The following C9 variants were observed in gnomAD, a reference collection of about 807,000 sequenced individuals.
C9 encodes complement component C9.
A neutral mutation model predicts 65.4 loss-of-function variants in C9; 63 were observed. The observed-to-expected ratio is 0.96, with a 90% CI of 0.79 to 1.19. The LOEUF (loss-of-function observed/expected upper bound fraction) is 1.19, where lower values mean the gene tolerates loss of function less well. C9 is among the 50% of genes most tolerant of loss of function. The pLI, the probability that C9 is intolerant of heterozygous loss-of-function variation, is 0.00. For synonymous variants in C9, 229 were observed against 227.9 expected, an observed-to-expected ratio of 1.00 and a Z score of -0.04; for missense variants, 744 against 670.1, an observed-to-expected ratio of 1.11 and a Z score of -1.22.
At chr5:39,332,637 A>C (rs570748377) in intron 4 of C9, among the ~76,000 whole-genome samples, 6 of 152,356 alleles carry the variant, frequency 3.9e-5, no homozygotes, top group Admixed American at 2.0e-4. Flanking sequence ...GCCCCAAGCC[A>C]GGGAGGCCAA....
At chr5:39,300,249 T>G (rs1460571820) in intron 9 of C9, among the ~76,000 whole-genome samples, 1 of 151,980 alleles carries the variant, frequency 6.6e-6, no homozygotes, top group African/African-American at 2.4e-5. Flanking sequence ...CTGTTTCTAC[T>G]AAAAATACAA....
intron 4 of C9, among the ~76,000 whole-genome samples, chr5:39,335,232 G>A (rs773918388): frequency 1.3e-4 from 20 of 152,138 alleles, no homozygotes; most frequent in Non-Finnish European, 1.9e-4. Context: ...TTATATTGAT[G>A]ATTAGCTCTT....
intron 1 of C9, among the ~76,000 whole-genome samples, chr5:39,361,718 A>G (rs939053240): frequency 6.6e-6 from 1 of 152,220 alleles, no homozygotes; most frequent in African/African-American, 2.4e-5. Flanking sequence ...GGTTTTAAAC[A>G]TTGATGCTCT....
intron 1 of C9, among the ~76,000 whole-genome samples, chr5:39,360,713 AG>A (rs2111992310): frequency 6.6e-6 from 1 of 152,312 alleles, no homozygotes; most frequent in Admixed American, 6.5e-5. Context: ...TGACTCAATA[AG>A]AGAAAGGCAA....
At chr5:39,305,487 T>C (rs1753357782) in intron 9 of C9, among the ~76,000 whole-genome samples, 1 of 152,018 alleles carries the variant, frequency 6.6e-6, no homozygotes, top group Non-Finnish European at 1.5e-5. Flanking sequence ...TTAATCAAAC[T>C]GGAGTAGGGA....
At chr5:39,352,834 GTTTTTTTT>G (rs747093390) in intron 1 of C9, among the ~76,000 whole-genome samples, 7 of 144,666 alleles carry the variant, frequency 4.8e-5, no homozygotes, top group African/African-American at 1.8e-4. Context: ...TGAAGTCTAA[GTTTTTTTT>G]TTTTTTTTTT....
chr5:39,309,173 AT>A (rs755127370), intron 7 of C9, among the ~76,000 whole-genome samples: 17 of 151,590 alleles, frequency 1.1e-4, no homozygotes, highest in South Asian at 2.1e-4. Flanking sequence ...CATAAAAAAA[AT>A]AATTATTCCT....
At chr5:39,357,981 T>G (rs552425358) in intron 1 of C9, among the ~76,000 whole-genome samples, 39 of 152,024 alleles carry the variant, frequency 2.6e-4, no homozygotes, top group Non-Finnish European at 4.0e-4. Context: ...GAGAGAGAGA[T>G]ATTCCTAAAG....
chr5:39,330,216 T>C (rs1753816601), intron 5 of C9, among the ~76,000 whole-genome samples: 1 of 152,240 alleles, frequency 6.6e-6, no homozygotes, highest in South Asian at 2.1e-4. Context: ...GAAATATTGA[T>C]GTGTTAGATT....
chr5:39,293,015 G>C (rs1229855204), intron 9 of C9, among the ~76,000 whole-genome samples: 1 of 151,712 alleles, frequency 6.6e-6, no homozygotes, highest in Non-Finnish European at 1.5e-5. Flanking sequence ...AATGTTAAAG[G>C]GAGAGTGCTG....
chr5:39,358,621 A>T (rs541937480), intron 1 of C9, among the ~76,000 whole-genome samples: 1 of 152,304 alleles, frequency 6.6e-6, no homozygotes, highest in Admixed American at 6.5e-5. Flanking sequence ...GCAAGAAATA[A>T]TAGTGATTTG....
rs1485855905 is a variant in C9, at chr5:39,331,829, A to G, written c.477-15T>C. The G allele has an allele frequency of 6.2e-7, 1 of 1,611,872 alleles. No individual in the cohort carries two copies. ...AAATGTTGATCCTGAGAATGAACAG[A>G]GTAGTATCAGAAGTGGAAATACCAC... On this transcript the variant is annotated splice_polypyrimidine_tract_variant and intron_variant, in intron 4 of 10. Coordinates refer to ENST00000263408, the MANE Select transcript of C9 (RefSeq NM_001737.5).
chr5:39,338,759 T>C (rs1754015434), intron 4 of C9, among the ~76,000 whole-genome samples: 1 of 152,318 alleles, frequency 6.6e-6, no homozygotes, highest in South Asian at 2.1e-4. Flanking sequence ...GGATGGTTCC[T>C]AACACCAACC....
rs761829607 is a variant in C9, at chr5:39,311,154, G to A, written c.1094C>T (p.Ala365Val). 1.2e-5 allele frequency: 19 copies of A among 1,613,162 alleles called. No homozygotes were observed. The highest frequency in any genetic ancestry group is 1.2e-4 in the Admixed American group (7 of 59,984). ...LYELIYVLDK[A>V]SMKRKGVELK... is the part of the protein sequence containing the mutation. ...AGGCATACCTTTCCGCTTCATGGAA[G>A]CTTTATCCAAAACATATATTAGTTC... Residue 365 changes from alanine (A) to valine (V), a missense_variant, in exon 7 of 11, where the codon GCT becomes GTT. By Grantham distance (64) the Ala-to-Val change is moderately conservative. Transcript: ENST00000263408.
intron 6 of C9, among the ~76,000 whole-genome samples, chr5:39,312,501 C>T (rs945687804): frequency 6.6e-6 from 1 of 152,088 alleles, no homozygotes; most frequent in African/African-American, 2.4e-5. Flanking sequence ...TCAGTCCACC[C>T]TCTCAATTTT....
chr5:39,308,419 C>G, intron 7 of C9, 61 bp from the exon 8 acceptor site: 4 of 1,367,754 alleles, frequency 2.9e-6, no homozygotes, highest in Non-Finnish European at 4.2e-6. Context: ...CAAATAAATT[C>G]CAATTTTGCT....
rs748414247 is a variant in C9, at chr5:39,311,196, G to C, written c.1052C>G (p.Ser351Cys). 13 of 1,612,674 alleles carry C rather than the reference G, an allele frequency of 8.1e-6. No homozygotes were observed. The highest frequency in any genetic ancestry group is 1.3e-5 in the African/African-American group (1 of 74,882). Reference sequence around the variant, plus strand: ...TATTAGTTCATAGAGTCCTCCTAGAGACCCAGAGCTACTGTAGTGAGTTCC... The same window carrying C: ...TATTAGTTCATAGAGTCCTCCTAGACACCCAGAGCTACTGTAGTGAGTTCC... ...TYGTHYSSSG[S>C]LGGLYELIYV... The change falls in exon 7 of 11, where the codon TCT becomes TGT. Residue 351 changes from serine (S) to cysteine (C), a missense_variant. Coordinates refer to ENST00000263408, the MANE Select transcript of C9 (RefSeq NM_001737.5).
chr5:39,330,851 C>A (rs556291420), intron 5 of C9, among the ~76,000 whole-genome samples: 1 of 152,142 alleles, frequency 6.6e-6, no homozygotes, highest in African/African-American at 2.4e-5. Context: ...TATGTAGAGA[C>A]TGATTTATGA....
At chr5:39,306,299 T>C (rs1050657266) in intron 9 of C9, among the ~76,000 whole-genome samples, 1 of 152,168 alleles carries the variant, frequency 6.6e-6, no homozygotes, top group African/African-American at 2.4e-5. Flanking sequence ...ACCTATCTTG[T>C]TACAGTGTGT....
Sources: gnomAD v4.1 joint callset for allele counts (sites outside exome capture counted in the v4.1 genomes callset) on GRCh38, gnomAD v4.1.1 for gene constraint, MANE v1.5 for transcripts, NCBI Gene and HGNC (gene_info 2026-07-23, HGNC 2026-07-21) for gene names.